The following ABCA13 variants were observed in gnomAD, a reference collection of about 807,000 sequenced individuals.
The protein encoded by ABCA13 is ATP-binding cassette sub-family A member 13.
ABCA13 carries 476 observed loss-of-function variants against 478.7 expected under a neutral mutation model. That is an observed-to-expected ratio of 0.99 (90% CI 0.92 to 1.07). The LOEUF (loss-of-function observed/expected upper bound fraction) is 1.07, where lower values mean the gene tolerates loss of function less well. Ranked by LOEUF, ABCA13 falls within the 50% of genes least tolerant of loss-of-function variation. The pLI is 0.00. For missense variants in ABCA13, 6,060 were observed against 5,910.6 expected (o/e 1.03, Z -0.83); for synonymous variants, 2,252 against 2,158.9 (o/e 1.04, Z -1.20).
chr7:48,571,873 T>C (rs1787684837), intron 55 of ABCA13, among the ~76,000 whole-genome samples: 1 of 152,118 alleles, frequency 6.6e-6, no homozygotes, highest in South Asian at 2.1e-4. Flanking sequence ...AGGGAAAACT[T>C]TAAATATTTT....
chr7:48,647,332 TAC>T lies in ABCA13; in HGVS notation c.*1822_*1823del, dbSNP rs1162755499. On this transcript the variant is annotated 3_prime_UTR_variant, in exon 62 of 62. Transcript: ENST00000435803. ...ATGAATTACACTTCCTTAAATAAAT[TAC>T]AGTTTATGGCTGTATGATTTATTCT... 1 of 152,220 alleles carries T rather than the reference TAC, an allele frequency of 6.6e-6. No individual in the cohort carries two copies. Among genetic ancestry groups the T allele is most frequent in the Non-Finnish European group, 1.5e-5 (1 of 68,038 alleles). 9.4% of individuals were successfully genotyped at this position (152,220 alleles called of 1,614,324 possible). A position where few individuals can be genotyped will look rare whatever the true frequency, so the allele number is the denominator to read the frequency against.
chr7:48,551,065 T>C (rs1240388837), intron 55 of ABCA13, among the ~76,000 whole-genome samples: 1 of 151,868 alleles, frequency 6.6e-6, no homozygotes, highest in African/African-American at 2.4e-5. Context: ...TCTTTAAATA[T>C]TGATGTATTT....
rs368658026 is a variant in ABCA13, at chr7:48,447,292, C to T, written c.12566-7745C>T. ...ATCTTCAATCCTGTTTCAACACCCA[C>T]CTCCTCACGGGAGCCTAGGAGAGTT... On this transcript the variant is annotated intron_variant, in intron 42 of 61. Coordinates refer to ENST00000435803, the MANE Select transcript of ABCA13 (RefSeq NM_152701.5). 2.0e-5 allele frequency among the ~76,000 whole-genome samples: 3 copies of T among 152,280 alleles called. No homozygotes were observed. In the East Asian group the frequency reaches 5.8e-4, roughly 29 times the overall value.
In ABCA13 at chr7:48,249,276, A is replaced by C; in HGVS notation, c.1930A>C (p.Lys644Gln). The change falls in exon 15 of 62, where the codon AAA (lysine) becomes CAA (glutamine). Residue 644 changes from lysine to glutamine, a missense_variant. Transcript: ENST00000435803. ...ACAAGCATATTATTGGAAAGCCTTC[A>C]AAAAGTTTATCAGGAAGACTTGCGA... is the stretch of plus-strand genomic sequence containing the variant. Reference protein sequence around the residue: ...LEQAYYWKAFKKFIRKTCEVA... With the variant: ...LEQAYYWKAFQKFIRKTCEVA... 1 of 1,613,454 alleles carries C rather than the reference A, an allele frequency of 6.2e-7. No homozygotes were observed. Among genetic ancestry groups the C allele is most frequent in the Non-Finnish European group, 8.5e-7 (1 of 1,179,524 alleles).
At chr7:48,410,359 G>A (rs923061771) in intron 39 of ABCA13, among the ~76,000 whole-genome samples, 161 bp from the exon 40 acceptor site, 2 of 152,102 alleles carry the variant, frequency 1.3e-5, no homozygotes, top group African/African-American at 4.8e-5. Flanking sequence ...TCAGGGCCTC[G>A]AATTGGCAAA....
At position 48,443,603 on chromosome 7, in the gene ABCA13, A is replaced by G. The variant is rs545498513; in HGVS notation, c.12566-11434A>G. ...CGCATGGTTTTCAGTTTTTCCCAGTAGGTTTAGCATTTTTATCATTTGGAG... is the reference window on the plus strand; with the variant it reads ...CGCATGGTTTTCAGTTTTTCCCAGTGGGTTTAGCATTTTTATCATTTGGAG... On this transcript the variant is annotated intron_variant, in intron 42 of 61. Coordinates refer to ENST00000435803, the MANE Select transcript of ABCA13 (RefSeq NM_152701.5). Among the ~76,000 whole-genome samples, 35 of 152,272 alleles carry G rather than the reference A, an allele frequency of 2.3e-4. 1 individual carries two copies. The South Asian group carries it at 7.1e-3, about 31-fold the overall frequency.
At chr7:48,352,138 C>T in intron 30 of ABCA13, 43 bp from the exon 31 acceptor site, 3 of 1,560,390 alleles carry the variant, frequency 1.9e-6, no homozygotes, top group Non-Finnish European at 1.7e-6. Context: ...TGAGCCACTC[C>T]CTACAGTGTG....
intron 29 of ABCA13, among the ~76,000 whole-genome samples, chr7:48,338,919 G>A (rs1348993362): frequency 6.6e-6 from 1 of 152,154 alleles, no homozygotes; most frequent in African/African-American, 2.4e-5. Context: ...AACATTTGCT[G>A]GACACACGAG....
intron 27 of ABCA13, among the ~76,000 whole-genome samples, chr7:48,326,858 G>T (rs1804405987): frequency 6.6e-6 from 1 of 152,180 alleles, no homozygotes; most frequent in South Asian, 2.1e-4. Context: ...GAAGGAGCTG[G>T]CCTTAAGCTG....
chr7:48,414,544 A>G (rs537523056), intron 41 of ABCA13, among the ~76,000 whole-genome samples: 1 of 149,996 alleles, frequency 6.7e-6, no homozygotes, highest in African/African-American at 2.4e-5. Flanking sequence ...AATAATACAT[A>G]TATATTACAC....
chr7:48,468,178 G>A (rs549448471), intron 44 of ABCA13, among the ~76,000 whole-genome samples: 66 of 152,066 alleles, frequency 4.3e-4, no homozygotes, highest in Middle Eastern at 3.4e-3. Flanking sequence ...ACAAAAGGTA[G>A]AATCAATAAT....
intron 42 of ABCA13, among the ~76,000 whole-genome samples, chr7:48,447,375 C>G (rs1269383881): frequency 2.0e-5 from 3 of 152,178 alleles, no homozygotes; most frequent in Admixed American, 2.0e-4. Context: ...CTCCCATAAT[C>G]CATTTCTTTC....
chr7:48,567,206 G>T (rs1398224675), intron 55 of ABCA13, among the ~76,000 whole-genome samples: 1 of 152,120 alleles, frequency 6.6e-6, no homozygotes, highest in African/African-American at 2.4e-5. Flanking sequence ...TGGATGACGG[G>T]TTGCTTTGAA....
At chr7:48,333,560 G>A (rs186717465) in intron 27 of ABCA13, among the ~76,000 whole-genome samples, 1 of 152,310 alleles carries the variant, frequency 6.6e-6, no homozygotes, top group East Asian at 1.9e-4. Flanking sequence ...GAGACTTTGA[G>A]CCCTATGTAA....
intron 39 of ABCA13, among the ~76,000 whole-genome samples, chr7:48,407,800 C>T (rs1818459603): frequency 6.6e-6 from 1 of 151,976 alleles, no homozygotes; most frequent in South Asian, 2.1e-4. Context: ...TCGGGTGATC[C>T]ACCACCTCGG....
At chr7:48,340,625 T>A (rs1181278295) in intron 29 of ABCA13, among the ~76,000 whole-genome samples, 1 of 152,188 alleles carries the variant, frequency 6.6e-6, no homozygotes. Flanking sequence ...ATGATTATAC[T>A]GTTCACATAA....
At chr7:48,208,201 A>G (rs1785172927) in intron 3 of ABCA13, among the ~76,000 whole-genome samples, 2 of 152,088 alleles carry the variant, frequency 1.3e-5, no homozygotes, top group African/African-American at 4.8e-5. Flanking sequence ...AAAGCTTTGT[A>G]GTATATTTTG....
chr7:48,405,717 C>T (rs1010673306), intron 39 of ABCA13, among the ~76,000 whole-genome samples: 2 of 152,288 alleles, frequency 1.3e-5, no homozygotes, highest in African/African-American at 2.4e-5. Context: ...GCTGACAGAA[C>T]ATTTTTGTAA....
chr7:48,324,251 T>G (rs1343865310), intron 27 of ABCA13, among the ~76,000 whole-genome samples: 2 of 152,186 alleles, frequency 1.3e-5, no homozygotes, highest in African/African-American at 2.4e-5. Flanking sequence ...CAGACAGCCA[T>G]CTTCTCTTTG....
Sources: gnomAD v4.1 joint callset for allele counts (sites outside exome capture counted in the v4.1 genomes callset) on GRCh38, gnomAD v4.1.1 for gene constraint, MANE v1.5 for transcripts, NCBI Gene and HGNC (gene_info 2026-07-23, HGNC 2026-07-21) for gene names.